Variants in ACTN3 observed in about 807,000 individuals in gnomAD.
The protein encoded by ACTN3 is alpha-actinin-3.
In ACTN3, 91 loss-of-function variants were observed where a neutral mutation model predicts 119.6. The observed-to-expected ratio is 0.76, with a 90% CI of 0.64 to 0.91. ACTN3 has a LOEUF of 0.91. Among genes scored for constraint, ACTN3 ranks in the 40% least tolerant of loss-of-function variants. The probability of loss-of-function intolerance (pLI) is 0.00; values close to 1 mark genes in which losing one functional copy is unlikely to be tolerated. For synonymous variants in ACTN3, 456 were observed against 478.8 expected, an observed-to-expected ratio of 0.95 and a Z score of 0.62; for missense variants, 1,221 against 1,215.1, an observed-to-expected ratio of 1.00 and a Z score of -0.07.
intron 14 of ACTN3, 48 bp from the exon 15 acceptor site, chr11:66,560,525 G>A (rs1345208274): frequency 1.3e-6 from 2 of 1,571,166 alleles, no homozygotes; most frequent in Non-Finnish European, 1.7e-6. Context: ...TCTGTTGCCT[G>A]TGGTAAGTGG....
Position 66,558,037 on chromosome 11 carries a change from A to G in ACTN3, c.1139A>G (p.Asn380Ser), listed in dbSNP as rs991670863. The change falls in exon 11 of 21, where the codon AAC becomes AGC. Residue 380 changes from asparagine to serine, a missense_variant. Coordinates refer to ENST00000513398, the MANE Select transcript of ACTN3 (RefSeq NM_001104.4). Reference protein sequence around the residue: ...SEGKLVSDIANAWRGLEQVEK... With the variant: ...SEGKLVSDIASAWRGLEQVEK... ...CTGCCTGCTCCACAGGACATCGCCAACGCCTGGCGGGGGCTGGAGCAGGTG... is the reference window on the plus strand; with the variant it reads ...CTGCCTGCTCCACAGGACATCGCCAGCGCCTGGCGGGGGCTGGAGCAGGTG... 7 of 1,613,726 alleles carry G rather than the reference A, an allele frequency of 4.3e-6. No homozygotes were observed. The African/African-American group carries it at 5.3e-5, about 12-fold the overall frequency.
rs963615870 is a variant in ACTN3, at chr11:66,561,208, A to G, written c.1861-19A>G. 10 of 1,524,144 alleles carry G rather than the reference A, an allele frequency of 6.6e-6. No individual in the cohort carries two copies. In the African/African-American group the frequency reaches 8.3e-5, roughly 13 times the overall value. 94.4% of individuals were successfully genotyped at this position (1,524,144 alleles called of 1,614,324 possible). On this transcript the variant is annotated intron_variant, in intron 15 of 20. Coordinates refer to ENST00000513398, the MANE Select transcript of ACTN3 (RefSeq NM_001104.4). ...CCCAGCCCCCAGAGCTGGCTCTGGCATAACTGCCCTCCTCCCAGGTCCGAA... is the reference window on the plus strand; with the variant it reads ...CCCAGCCCCCAGAGCTGGCTCTGGCGTAACTGCCCTCCTCCCAGGTCCGAA...
chr11:66,562,773 G>C (rs976113011), intron 19 of ACTN3, 23 bp from the exon 20 acceptor site: 2 of 1,587,116 alleles, frequency 1.3e-6, no homozygotes, highest in African/African-American at 2.7e-5. Flanking sequence ...CATGGGCATA[G>C]TGCCTGGCCT....
intron 3 of ACTN3, among the ~76,000 whole-genome samples, chr11:66,552,530 C>T (rs188792688): frequency 5.8e-4 from 89 of 152,162 alleles, no homozygotes; most frequent in Non-Finnish European, 1.2e-3. Flanking sequence ...TGTTTGAGCC[C>T]GGGAATTGGA....
chr11:66,547,664 C>G (rs1857387381), intron 1 of ACTN3, among the ~76,000 whole-genome samples: 1 of 152,156 alleles, frequency 6.6e-6, no homozygotes, highest in Non-Finnish European at 1.5e-5. Flanking sequence ...GGATCTTTAC[C>G]CTTTTCCCTA....
intron 18 of ACTN3, 39 bp from the exon 19 acceptor site, chr11:66,562,218 G>A (rs1365814966): frequency 1.2e-6 from 2 of 1,613,892 alleles, no homozygotes; most frequent in Admixed American, 1.7e-5. Context: ...GGCTGGTGGA[G>A]GCTGGAGACC....
intron 4 of ACTN3, 53 bp from the exon 5 acceptor site, chr11:66,554,483 A>T: frequency 1.1e-5 from 14 of 1,242,224 alleles, no homozygotes; most frequent in Non-Finnish European, 1.6e-5. Context: ...GAAGTGTGAG[A>T]GGGCTGACCT....
upstream of ACTN3, chr11:66,546,487 C>T (rs923899589): frequency 4.6e-6 from 7 of 1,515,960 alleles, no homozygotes; most frequent in East Asian, 1.5e-4. Flanking sequence ...AACAGCTCGG[C>T]GCCTCTGTGT....
intron 4 of ACTN3, 72 bp downstream of exon 4, chr11:66,554,203 C>G (rs1857539439): frequency 7.3e-7 from 1 of 1,366,732 alleles, no homozygotes. Flanking sequence ...TTTGGGAGGT[C>G]GAGGCGGGCA....
intron 2 of ACTN3, 68 bp from the exon 3 acceptor site, chr11:66,551,460 A>G: frequency 6.3e-7 from 1 of 1,576,140 alleles, no homozygotes; most frequent in South Asian, 1.1e-5. Flanking sequence ...GGGAGGGGAG[A>G]GTTTGCGGAC....
intron 7 of ACTN3, 41 bp downstream of exon 7, chr11:66,555,408 AC>A: frequency 6.3e-7 from 1 of 1,599,434 alleles, no homozygotes. Flanking sequence ...CACATTCTCC[AC>A]ACTGGGCCTG....
At position 66,561,772 on chromosome 11, in the gene ACTN3, G is replaced by A. The variant is rs74345685; in HGVS notation, c.2175+135G>A. The A allele has an allele frequency of 1.6e-3, 1,855 of 1,147,458 alleles. 26 individuals are homozygous for A. The African/African-American group carries it at 0.025, about 16-fold the overall frequency. The allele number at this position is 1,147,458 out of a possible 1,614,324, so 71.1% of individuals were successfully genotyped here. A position where few individuals can be genotyped will look rare whatever the true frequency, so the allele number is the denominator to read the frequency against. On this transcript the variant is annotated intron_variant, in intron 17 of 20. Coordinates refer to ENST00000513398, the MANE Select transcript of ACTN3 (RefSeq NM_001104.4). The stretch of plus-strand genomic sequence containing the variant: ...TTGGCCAGGTCCCTTAAGACCCAGC[G>A]ATGGAAAGTGACCCTTCCAGAGTCA...
At chr11:66,546,581 C>T (rs1011379817), upstream of ACTN3, 9 of 1,535,554 alleles carry the variant, frequency 5.9e-6, no homozygotes, top group Non-Finnish European at 7.8e-6. Flanking sequence ...AGAGGGCAGC[C>T]TCTAGAGCGG....
intron 7 of ACTN3, 90 bp from the exon 8 acceptor site, chr11:66,556,055 A>G: frequency 8.2e-7 from 1 of 1,218,458 alleles, no homozygotes; most frequent in South Asian, 1.4e-5. Context: ...CCATGACTGG[A>G]TGCTTCCAGC....
chr11:66,553,072 C>T (rs1214362991), intron 3 of ACTN3, among the ~76,000 whole-genome samples: 1 of 150,356 alleles, frequency 6.7e-6, no homozygotes, highest in African/African-American at 2.5e-5. Context: ...CTGGCCAATA[C>T]AGTGAAATCC....
chr11:66,561,695 G>T, intron 17 of ACTN3, 58 bp downstream of exon 17: 1 of 1,549,472 alleles, frequency 6.5e-7, no homozygotes. Context: ...GAGGCCCAGG[G>T]AGATCACAGC....
intron 4 of ACTN3, 43 bp from the exon 5 acceptor site, chr11:66,554,493 T>C (rs558909311): frequency 5.6e-5 from 81 of 1,444,976 alleles, no homozygotes; most frequent in South Asian, 4.1e-4. Context: ...AGGGCTGACC[T>C]GGACCCCTTC....
At chr11:66,555,479 C>G in intron 7 of ACTN3, 112 bp downstream of exon 7, 1 of 1,035,924 alleles carries the variant, frequency 9.7e-7, no homozygotes, top group Non-Finnish European at 1.5e-6. Flanking sequence ...CGACCACCCC[C>G]ACCCCACTCC....
In ACTN3 at chr11:66,554,614, TCCACA is replaced by T. The variant is rs753511044; in HGVS notation, c.552_556del (p.His184GlnfsTer18). The T allele has an allele frequency of 1.9e-6, 3 of 1,611,208 alleles. No individual in the cohort carries two copies. The African/African-American group carries it at 4.0e-5, about 22-fold the overall frequency. On this transcript the variant is annotated frameshift_variant, in exon 5 of 21. Coordinates refer to ENST00000513398, the MANE Select transcript of ACTN3 (RefSeq NM_001104.4). LOFTEE classifies it high-confidence loss of function. ...TACCGCAACGTCAACGTGCAGAACT[TCCACA>T]CCAGGTCTGTCAGGTGGTTACCAAA...
Sources: gnomAD v4.1 joint callset for allele counts (sites outside exome capture counted in the v4.1 genomes callset) on GRCh38, gnomAD v4.1.1 for gene constraint, MANE v1.5 for transcripts, NCBI Gene and HGNC (gene_info 2026-07-23, HGNC 2026-07-21) for gene names.